KCTD8: variants seen among roughly 807,000 people sequenced by gnomAD.
KCTD8 encodes the protein potassium channel tetramerization domain containing 8.
In KCTD8, 27 loss-of-function variants were observed where a neutral mutation model predicts 31.5. The ratio of observed to expected loss-of-function variants is 0.86; its 90% confidence interval spans 0.63 to 1.18. KCTD8 has a LOEUF of 1.18. Ranked by LOEUF, KCTD8 falls within the 50% of genes most tolerant of loss-of-function variation. The pLI, the probability that KCTD8 is intolerant of heterozygous loss-of-function variation, is 0.00. For synonymous variants in KCTD8, 290 were observed against 280.0 expected (o/e 1.04, Z -0.36); for missense variants, 658 against 647.7 (o/e 1.02, Z -0.17).
At chr4:44,298,544 A>G (rs1717512516) in intron 1 of KCTD8, among the ~76,000 whole-genome samples, 1 of 152,166 alleles carries the variant, frequency 6.6e-6, no homozygotes, top group South Asian at 2.1e-4. Context: ...AATGTATTTC[A>G]AAATCACCTG....
At chr4:44,397,879 A>C (rs531046851) in intron 1 of KCTD8, among the ~76,000 whole-genome samples, 1 of 152,118 alleles carries the variant, frequency 6.6e-6, no homozygotes, top group Non-Finnish European at 1.5e-5. Flanking sequence ...ATACCTAAAA[A>C]ATTGATTTTT....
At chr4:44,188,594 T>G (rs1201363783) in intron 1 of KCTD8, among the ~76,000 whole-genome samples, 1 of 152,210 alleles carries the variant, frequency 6.6e-6, no homozygotes, top group Non-Finnish European at 1.5e-5. Context: ...AATGTCACTT[T>G]CCATGAAAAA....
chr4:44,393,330 A>G (rs1380371964), intron 1 of KCTD8, among the ~76,000 whole-genome samples: 1 of 152,056 alleles, frequency 6.6e-6, no homozygotes, highest in Admixed American at 6.6e-5. Context: ...AAGAATACAT[A>G]TTTGATCTTC....
At chr4:44,398,988 T>C (rs181772438) in intron 1 of KCTD8, among the ~76,000 whole-genome samples, 64 of 152,042 alleles carry the variant, frequency 4.2e-4, no homozygotes, top group African/African-American at 1.3e-3. Context: ...AACAAAAGAG[T>C]AAGGAGATTT....
intron 1 of KCTD8, among the ~76,000 whole-genome samples, chr4:44,300,560 T>C (rs1717581516): frequency 6.6e-6 from 1 of 152,202 alleles, no homozygotes; most frequent in Non-Finnish European, 1.5e-5. Flanking sequence ...TGAAATATTC[T>C]ATTAAAAGGT....
chr4:44,445,327 A>C (rs1341956826), intron 1 of KCTD8, among the ~76,000 whole-genome samples: 3 of 152,334 alleles, frequency 2.0e-5, no homozygotes, highest in East Asian at 3.9e-4. Context: ...CCACTTCAAA[A>C]GAACAATATT....
At chr4:44,265,573 C>T (rs1009918820) in intron 1 of KCTD8, among the ~76,000 whole-genome samples, 17 of 152,246 alleles carry the variant, frequency 1.1e-4, no homozygotes, top group Non-Finnish European at 2.2e-4. Context: ...GAGAAGAGGG[C>T]TTCAGATGAT....
intron 1 of KCTD8, among the ~76,000 whole-genome samples, chr4:44,304,454 T>A (rs527819118): frequency 2.6e-4 from 39 of 152,318 alleles, no homozygotes; most frequent in African/African-American, 9.4e-4. Flanking sequence ...TGGTTAACAA[T>A]TTCCACACTT....
At chr4:44,392,686 T>C (rs1720402578) in intron 1 of KCTD8, among the ~76,000 whole-genome samples, 1 of 151,950 alleles carries the variant, frequency 6.6e-6, no homozygotes, top group Non-Finnish European at 1.5e-5. Context: ...CTTCTGGAGC[T>C]AAAAATAGCA....
intron 1 of KCTD8, among the ~76,000 whole-genome samples, chr4:44,262,533 GA>G (rs200911492): frequency 3.3e-5 from 5 of 151,740 alleles, no homozygotes; most frequent in African/African-American, 9.7e-5. Context: ...TGGAGTGAGG[GA>G]AAAAAAGCAT....
chr4:44,211,764 C>G lies in KCTD8; in HGVS notation c.962-36514G>C, dbSNP rs191537164. On this transcript the variant is annotated intron_variant, in intron 1 of 1. Coordinates refer to ENST00000360029, the MANE Select transcript of KCTD8 (RefSeq NM_198353.3). ...TTAATTAATTTTTTGTCTGCTGCAACTTACATATAATTAAAAGAGGAAATT... is the reference window on the plus strand; with the variant it reads ...TTAATTAATTTTTTGTCTGCTGCAAGTTACATATAATTAAAAGAGGAAATT... 2.3e-3 allele frequency among the ~76,000 whole-genome samples: 350 copies of G among 151,954 alleles called. 1 individual carries two copies. Among genetic ancestry groups the G allele is most frequent in the Middle Eastern group, 6.8e-3 (2 of 292 alleles).
At chr4:44,276,863 TTTCA>T (rs993332512) in intron 1 of KCTD8, among the ~76,000 whole-genome samples, 17 of 152,084 alleles carry the variant, frequency 1.1e-4, no homozygotes, top group African/African-American at 3.6e-4. Context: ...AAAATAATTT[TTTCA>T]GACAAAGAAT....
chr4:44,353,509 T>C (rs1719266885), intron 1 of KCTD8, among the ~76,000 whole-genome samples: 1 of 152,086 alleles, frequency 6.6e-6, no homozygotes, highest in African/African-American at 2.4e-5. Context: ...AAATATACAC[T>C]AAAATATCAT....
At position 44,447,649 on chromosome 4, in the gene KCTD8, G is replaced by C. The variant is rs746110451; in HGVS notation, c.875C>G (p.Ala292Gly). 6.2e-6 allele frequency: 10 copies of C among 1,610,672 alleles called. No individual in the cohort carries two copies. The highest frequency in any genetic ancestry group is 7.6e-6 in the Non-Finnish European group (9 of 1,178,744). ...GGCGGCGGTGCCCGAGGAGTTACAC[G>C]CCACCATGTGGAAGCCGGCCTCGGA... ...RLSEAGFHMVACNSSGTAAFV... is the reference protein window; with the variant it reads ...RLSEAGFHMVGCNSSGTAAFV... The change falls in exon 1 of 2, where the codon GCG (alanine) becomes GGG (glycine). Residue 292 changes from alanine to glycine, a missense_variant. Physicochemically the swap from Ala to Gly is moderately conservative, Grantham distance 60 (BLOSUM62 0). Coordinates refer to ENST00000360029, the MANE Select transcript of KCTD8 (RefSeq NM_198353.3).
chr4:44,196,376 C>T (rs1271598745), intron 1 of KCTD8, among the ~76,000 whole-genome samples: 1 of 152,144 alleles, frequency 6.6e-6, no homozygotes, highest in African/African-American at 2.4e-5. Context: ...TGGTAAGACA[C>T]GATATGCAAG....
intron 1 of KCTD8, among the ~76,000 whole-genome samples, chr4:44,366,600 T>C (rs945470916): frequency 1.3e-5 from 2 of 152,180 alleles, no homozygotes; most frequent in African/African-American, 4.8e-5. Flanking sequence ...AGTTTCTTTA[T>C]AGCAGCGTGA....
chr4:44,197,988 C>T (rs541007602), intron 1 of KCTD8, among the ~76,000 whole-genome samples: 10 of 152,070 alleles, frequency 6.6e-5, no homozygotes, highest in Non-Finnish European at 1.5e-4. Flanking sequence ...GAAGAATTCA[C>T]TTAAAAAATT....
intron 1 of KCTD8, among the ~76,000 whole-genome samples, chr4:44,280,145 T>A (rs1350219777): frequency 6.6e-6 from 1 of 152,036 alleles, no homozygotes; most frequent in Non-Finnish European, 1.5e-5. Flanking sequence ...AAAAGCTTTC[T>A]CTTACCTTTC....
At chr4:44,383,935 A>G (rs967522029) in intron 1 of KCTD8, among the ~76,000 whole-genome samples, 1 of 152,014 alleles carries the variant, frequency 6.6e-6, no homozygotes, top group Non-Finnish European at 1.5e-5. Flanking sequence ...CAAGAAACTA[A>G]TAACTAAAAT....
Sources: allele counts gnomAD v4.1 joint callset (sites outside exome capture counted in the v4.1 genomes callset), GRCh38; gene constraint gnomAD v4.1.1; transcripts MANE v1.5; gene names NCBI Gene and HGNC (gene_info 2026-07-23, HGNC 2026-07-21).